The following GLIS3 variants were observed in gnomAD, a reference collection of about 807,000 sequenced individuals.
The protein encoded by GLIS3 is GLIS family zinc finger 3.
In GLIS3, 53 loss-of-function variants were observed where a neutral mutation model predicts 78.6. The observed-to-expected ratio is 0.67, with a 90% CI of 0.54 to 0.85. GLIS3 has a LOEUF of 0.85. Ranked by LOEUF, GLIS3 falls within the 40% of genes least tolerant of loss-of-function variation. The pLI is 0.00. For missense variants in GLIS3, 1,703 were observed against 1,231.1 expected (o/e 1.38, Z -5.74); for synonymous variants, 684 against 509.9 (o/e 1.34, Z -4.60).
chr9:4,219,967 G>A (rs1369381757), intron 2 of GLIS3, among the ~76,000 whole-genome samples: 1 of 152,196 alleles, frequency 6.6e-6, no homozygotes, highest in East Asian at 1.9e-4. Flanking sequence ...GGAAATGGCT[G>A]ATTCCAGAGC....
At chr9:4,238,340 T>G (rs985598680) in intron 2 of GLIS3, among the ~76,000 whole-genome samples, 3 of 152,268 alleles carry the variant, frequency 2.0e-5, no homozygotes, top group East Asian at 1.9e-4. Flanking sequence ...ATTGTTGTTT[T>G]GGTGGAGAGG....
At chr9:4,285,769 C>T (rs1827935509) in intron 2 of GLIS3, 2 of 470,298 alleles carry the variant, frequency 4.3e-6, no homozygotes, top group African/African-American at 3.9e-5. Flanking sequence ...ACCACTCAGC[C>T]TGCCTCCCTA....
chr9:3,955,171 C>T (rs1355101456), intron 4 of GLIS3, among the ~76,000 whole-genome samples: 2 of 152,132 alleles, frequency 1.3e-5, no homozygotes, highest in Admixed American at 6.5e-5. Context: ...AATGCATGGC[C>T]TCCCAGGGTA....
At chr9:4,397,697 G>GAAAA in the GLIS3 span, among the ~76,000 whole-genome samples, 886 of 65,044 alleles carry the variant, frequency 0.014, 12 homozygotes, top group African/African-American at 0.061. Flanking sequence ...AGGGAGGGAG[G>GAAAA]GAGGGAGGAA....
At chr9:4,487,730 C>A in the GLIS3 span, among the ~76,000 whole-genome samples, 2 of 151,788 alleles carry the variant, frequency 1.3e-5, no homozygotes, top group Non-Finnish European at 2.9e-5. Context: ...CTCTGTCACC[C>A]AGGCTGGAGT....
chr9:3,835,314 T>C (rs1395162285), intron 9 of GLIS3, among the ~76,000 whole-genome samples: 1 of 152,110 alleles, frequency 6.6e-6, no homozygotes, highest in East Asian at 1.9e-4. Flanking sequence ...AAGGTCCACA[T>C]ATGACAATAG....
At chr9:4,475,805 C>G in the GLIS3 span, among the ~76,000 whole-genome samples, 2 of 152,240 alleles carry the variant, frequency 1.3e-5, no homozygotes, top group East Asian at 1.9e-4. Context: ...AAACCAAACA[C>G]TAATAGATAA....
chr9:4,001,185 A>G (rs75650787), intron 4 of GLIS3, among the ~76,000 whole-genome samples: 3,845 of 152,306 alleles, frequency 0.025, 176 homozygotes, highest in African/African-American at 0.088. Flanking sequence ...GGCATGTTAC[A>G]TATACTTAAA....
chr9:4,213,819 C>G (rs1210098550), intron 2 of GLIS3, among the ~76,000 whole-genome samples: 6 of 151,760 alleles, frequency 4.0e-5, no homozygotes, highest in African/African-American at 1.5e-4. Context: ...ATTAATCAAG[C>G]ATCTATAATG....
chr9:4,297,402 A>T (rs1816635861), intron 1 of GLIS3, among the ~76,000 whole-genome samples: 1 of 152,180 alleles, frequency 6.6e-6, no homozygotes, highest in African/African-American at 2.4e-5. Flanking sequence ...AGGTGAAGCC[A>T]GGGTCCACTC....
In GLIS3 at chr9:3,911,233, C is replaced by T. The variant is rs144017996; in HGVS notation, c.1984-12398G>A. On this transcript the variant is annotated intron_variant, in intron 6 of 10. Transcript: ENST00000381971. ...AGTAGTACATAAGACAATTGAAGTT[C>T]CCTGCTCTCACAGAGTTTACAGTGT... is the stretch of plus-strand genomic sequence containing the variant. Among the ~76,000 whole-genome samples the T allele has an allele frequency of 2.2e-3, 342 of 152,280 alleles. 2 individuals carry two copies. Among genetic ancestry groups the T allele is most frequent in the African/African-American group, 7.9e-3 (329 of 41,554 alleles).
intron 8 of GLIS3, among the ~76,000 whole-genome samples, chr9:3,864,491 C>A (rs7867243): frequency 0.1 from 15,494 of 152,172 alleles, 1,144 homozygotes; most frequent in East Asian, 0.24. Flanking sequence ...AACACACCAG[C>A]AGAACTTTGA....
the GLIS3 span, among the ~76,000 whole-genome samples, chr9:4,445,553 G>A: frequency 2.0e-5 from 3 of 152,154 alleles, no homozygotes; most frequent in South Asian, 2.1e-4. Context: ...AGGATTCCTT[G>A]AGCCCAGCAA....
At chr9:4,377,980 T>C in the GLIS3 span, among the ~76,000 whole-genome samples, 3 of 152,280 alleles carry the variant, frequency 2.0e-5, no homozygotes, top group South Asian at 2.1e-4. Context: ...AAGCATACCA[T>C]GGATTACTCT....
At chr9:4,257,570 G>T (rs565453041) in intron 2 of GLIS3, among the ~76,000 whole-genome samples, 3 of 49,886 alleles carry the variant, frequency 6.0e-5, no homozygotes, top group African/African-American at 1.4e-4. Flanking sequence ...TGTATATGTT[G>T]TTGTTGTTGT....
intron 2 of GLIS3, among the ~76,000 whole-genome samples, chr9:4,317,645 A>G (rs1030300198): frequency 1.3e-5 from 2 of 152,254 alleles, no homozygotes; most frequent in East Asian, 1.9e-4. Flanking sequence ...TTCTAAATGT[A>G]TCTTTTTTAA....
intron 4 of GLIS3, among the ~76,000 whole-genome samples, chr9:4,084,224 G>A (rs934029983): frequency 2.7e-5 from 4 of 148,474 alleles, no homozygotes; most frequent in Non-Finnish European, 6.0e-5. Flanking sequence ...TGCCAGCAAT[G>A]TGTAATCTCT....
chr9:4,181,398 C>G (rs1563709718), intron 2 of GLIS3, among the ~76,000 whole-genome samples: 2 of 152,260 alleles, frequency 1.3e-5, no homozygotes, highest in Non-Finnish European at 2.9e-5. Context: ...CTGCTGGTAA[C>G]AGCCAGGTAG....
At chr9:4,045,586 C>G (rs541262382) in intron 4 of GLIS3, among the ~76,000 whole-genome samples, 2 of 151,860 alleles carry the variant, frequency 1.3e-5, no homozygotes, top group Non-Finnish European at 2.9e-5. Context: ...ATCCTCCCAC[C>G]TCAGCCTCCC....
Sources: allele counts gnomAD v4.1 joint callset (sites outside exome capture counted in the v4.1 genomes callset), GRCh38; gene constraint gnomAD v4.1.1; transcripts MANE v1.5; gene names NCBI Gene and HGNC (gene_info 2026-07-23, HGNC 2026-07-21).